Variants in CELSR1 observed in about 807,000 individuals in gnomAD.
CELSR1 encodes cadherin EGF LAG seven-pass G-type receptor 1.
A neutral mutation model predicts 249.1 loss-of-function variants in CELSR1; 110 were observed. The observed-to-expected ratio is 0.44, with a 90% CI of 0.38 to 0.52. The LOEUF (loss-of-function observed/expected upper bound fraction) is 0.52, where lower values mean the gene tolerates loss of function less well. CELSR1 is among the 20% of genes least tolerant of loss of function. CELSR1 has a pLI of 0.00. For synonymous variants in CELSR1, 2,113 were observed against 1,900.0 expected (o/e 1.11, Z -2.92); for missense variants, 4,109 against 4,296.4 (o/e 0.96, Z 1.22).
intron 25 of CELSR1, chr22:46,370,152 C>T (rs553969574): frequency 1.1e-5 from 5 of 469,286 alleles, no homozygotes; most frequent in South Asian, 7.7e-5. Context: ...AGGACCCTGC[C>T]AGCTGGGCCA....
rs1324826000 is a variant in CELSR1, at chr22:46,380,223, C to T, written c.7256+565G>A. On this transcript the variant is annotated intron_variant, in intron 22 of 34. Coordinates refer to ENST00000674500, the MANE Select transcript of CELSR1 (RefSeq NM_001378328.1). This position sits in a 1 kb window ranked among gnomAD's most constrained non-coding sequence, Gnocchi z 5.1. Reference sequence around the variant, plus strand: ...ATGCTAGAACACAGATTCTCGCGCACAGATTCTCCTGCGTTCGCCACTCTG... The same window carrying T: ...ATGCTAGAACACAGATTCTCGCGCATAGATTCTCCTGCGTTCGCCACTCTG... Among the ~76,000 whole-genome samples the T allele has an allele frequency of 6.6e-6, 1 of 152,228 alleles. No homozygotes were observed. Among genetic ancestry groups the T allele is most frequent in the Non-Finnish European group, 1.5e-5 (1 of 68,036 alleles).
In CELSR1 at chr22:46,391,168, C is replaced by A. The variant is rs200406273; in HGVS notation, c.6250+18G>T. 10 of 1,603,660 alleles carry A rather than the reference C, an allele frequency of 6.2e-6. No individual in the cohort carries two copies. Among genetic ancestry groups the A allele is most frequent in the South Asian group, 5.5e-5 (5 of 90,758 alleles). Reference sequence around the variant, plus strand: ...GACGCCTGCCTCAGTTCCCTACACACAGGCCACGGCGACTCACCAACGGAT... The same window carrying A: ...GACGCCTGCCTCAGTTCCCTACACAAAGGCCACGGCGACTCACCAACGGAT... On this transcript the variant is annotated intron_variant, in intron 16 of 34. Transcript: ENST00000674500. This position sits in a 1 kb window ranked among gnomAD's most constrained non-coding sequence, Gnocchi z 4.3.
In CELSR1 at chr22:46,390,955, G is replaced by A. The variant is rs914453880; in HGVS notation, c.6250+231C>T. Among the ~76,000 whole-genome samples, 8 of 152,202 alleles carry A rather than the reference G, an allele frequency of 5.3e-5. No individual in the cohort carries two copies. The highest frequency in any genetic ancestry group is 3.9e-4 in the Admixed American group (6 of 15,284). ...CTGAGCGGCAGAGCAGGGACTGGCC[G>A]GGCCTGACTGGCGGGCGTCCCCACA... is the stretch of plus-strand genomic sequence containing the variant. On this transcript the variant is annotated intron_variant, in intron 16 of 34. Transcript: ENST00000674500. The surrounding 1 kb of genome is among the most constrained non-coding windows in gnomAD (Gnocchi z 6.3).
At position 46,535,406 on chromosome 22, in the gene CELSR1, C is replaced by A; in HGVS notation, c.1765G>T (p.Ala589Ser). 1.2e-6 allele frequency: 2 copies of A among 1,609,202 alleles called. No homozygotes were observed. Among genetic ancestry groups the A allele is most frequent in the Non-Finnish European group, 1.7e-6 (2 of 1,177,986 alleles). ...PLGYPVVHIQ[A>S]VDADSGENAR... The stretch of plus-strand genomic sequence containing the variant: ...TTCTCTCCAGAGTCCGCGTCCACCG[C>A]CTGAATGTGCACCACGGGGTAGCCC... Residue 589 changes from alanine to serine, a missense_variant, in exon 1 of 35, where the codon GCG becomes TCG. Coordinates refer to ENST00000674500, the MANE Select transcript of CELSR1 (RefSeq NM_001378328.1).
rs1368175142 is a variant in CELSR1 at position 46,410,027 on chromosome 22, G to C, written c.4934-147C>G. On this transcript the variant is annotated intron_variant, in intron 7 of 34. Coordinates refer to ENST00000674500, the MANE Select transcript of CELSR1 (RefSeq NM_001378328.1). This position sits in a 1 kb window ranked among gnomAD's most constrained non-coding sequence, Gnocchi z 6.8. ...GTCTGAACGCCCCTGGCAACGGCAG[G>C]AACATGGGAACTAAGAAGGTGCTGA... 2.0e-6 allele frequency: 2 copies of C among 984,696 alleles called. No individual in the cohort carries two copies. The highest frequency in any genetic ancestry group is 3.0e-6 in the Non-Finnish European group (2 of 670,312). The allele number at this position is 984,696 out of a possible 1,614,324, so 61.0% of individuals were successfully genotyped here.
At position 46,506,837 on chromosome 22, in the gene CELSR1, G is replaced by A. The variant is rs531506431; in HGVS notation, c.3544+26790C>T. 2.0e-5 allele frequency among the ~76,000 whole-genome samples: 3 copies of A among 152,120 alleles called. No individual in the cohort carries two copies. The highest frequency in any genetic ancestry group is 6.5e-5 in the Admixed American group (1 of 15,272). On this transcript the variant is annotated intron_variant, in intron 1 of 34. Transcript: ENST00000674500. This position sits in a 1 kb window ranked among gnomAD's most constrained non-coding sequence, Gnocchi z 4.1. The stretch of plus-strand genomic sequence containing the variant: ...CCAAGCCCGGGGGTGTCTTCTCCAC[G>A]GTCTGTCACCCGCACCACCAGGACA...
At position 46,361,866 on chromosome 22, in the gene CELSR1, G is replaced by C. The variant is rs571531942; in HGVS notation, c.*1357C>G. 1 of 152,216 alleles carries C rather than the reference G, an allele frequency of 6.6e-6. No homozygotes were observed. Among genetic ancestry groups the C allele is most frequent in the Non-Finnish European group, 1.5e-5 (1 of 68,050 alleles). The allele number at this position is 152,216 out of a possible 1,614,324, so 9.4% of individuals were successfully genotyped here. ...AAAATCAAACATGTCTGACAGTTCC[G>C]GGACCCGTTCCACAGCCCCTCGGGC... On this transcript the variant is annotated 3_prime_UTR_variant, in exon 35 of 35. Coordinates refer to ENST00000674500, the MANE Select transcript of CELSR1 (RefSeq NM_001378328.1).
intron 1 of CELSR1, among the ~76,000 whole-genome samples, chr22:46,499,725 C>T (rs536658670): frequency 7.2e-5 from 11 of 152,278 alleles, no homozygotes; most frequent in East Asian, 1.9e-4. Context: ...GGCAGCTTCC[C>T]GCGTGCTCCT....
intron 5 of CELSR1, among the ~76,000 whole-genome samples, chr22:46,418,977 G>A (rs943783065): frequency 5.9e-5 from 9 of 152,222 alleles, no homozygotes; most frequent in African/African-American, 2.2e-4. Flanking sequence ...GTTCAGCACT[G>A]GACGGAGATA....
rs1257258776 is a variant in CELSR1 at position 46,517,144 on chromosome 22, T to C, written c.3544+16483A>G. Among the ~76,000 whole-genome samples the C allele has an allele frequency of 2.6e-5, 4 of 152,078 alleles. No homozygotes were observed. Among genetic ancestry groups the C allele is most frequent in the Non-Finnish European group, 4.4e-5 (3 of 67,986 alleles). On this transcript the variant is annotated intron_variant, in intron 1 of 34. Coordinates refer to ENST00000674500, the MANE Select transcript of CELSR1 (RefSeq NM_001378328.1). This position sits in a 1 kb window ranked among gnomAD's most constrained non-coding sequence, Gnocchi z 5.4. ...CTGAGGTATACAAACCACCTCCCCA[T>C]CCCCCACTGCCTCAGTTTTCCCAGC...
intron 1 of CELSR1, among the ~76,000 whole-genome samples, chr22:46,501,994 G>A (rs2080470662): frequency 6.6e-6 from 1 of 152,044 alleles, no homozygotes; most frequent in African/African-American, 2.4e-5. Context: ...GCTGGGCGTG[G>A]TGGTTCAGGC....
In CELSR1 at chr22:46,423,449, T is replaced by C. The variant is rs969088929; in HGVS notation, c.4611+9944A>G. Among the ~76,000 whole-genome samples the C allele has an allele frequency of 3.1e-4, 47 of 150,166 alleles. 1 individual carries two copies. Among genetic ancestry groups the C allele is most frequent in the Admixed American group, 3.1e-3 (46 of 15,048 alleles). On this transcript the variant is annotated intron_variant, in intron 5 of 34. Coordinates refer to ENST00000674500, the MANE Select transcript of CELSR1 (RefSeq NM_001378328.1). This position sits in a 1 kb window ranked among gnomAD's most constrained non-coding sequence, Gnocchi z 5.6. ...GGAGAAACCCCGTCTCTACTAAAAA[T>C]ACAAAATTAGCCGGGCGTGGTGGTG...
At chr22:46,529,088 A>AC (rs914913701) in intron 1 of CELSR1, among the ~76,000 whole-genome samples, 15 of 151,450 alleles carry the variant, frequency 9.9e-5, no homozygotes, top group African/African-American at 3.6e-4. Flanking sequence ...ACACGGTGAA[A>AC]CCCCGTCTCT....
rs551106181 is a variant in CELSR1, at chr22:46,441,285, C to T, written c.4184-1874G>A. On this transcript the variant is annotated intron_variant, in intron 2 of 34. Transcript: ENST00000674500. The surrounding 1 kb of genome is among the most constrained non-coding windows in gnomAD (Gnocchi z 6.1). ...CCTGGAGCCCAGACCTCGCTGGAGTCCCCAGAGTGGGATGGCTCCACGATG... is the reference window on the plus strand; with the variant it reads ...CCTGGAGCCCAGACCTCGCTGGAGTTCCCAGAGTGGGATGGCTCCACGATG... 2.6e-5 allele frequency among the ~76,000 whole-genome samples: 4 copies of T among 152,236 alleles called. No individual in the cohort carries two copies. The highest frequency in any genetic ancestry group is 2.0e-4 in the Admixed American group (3 of 15,286).
Position 46,386,389 on chromosome 22 carries a change from G to A in CELSR1, c.6739+13C>T, listed in dbSNP as rs370450930. Reference sequence around the variant, plus strand: ...GTAGCAGGGTTCCACCCCCAACGCAGCCAGCGCCTTACTCATGTTGGCGGT... The same window carrying A: ...GTAGCAGGGTTCCACCCCCAACGCAACCAGCGCCTTACTCATGTTGGCGGT... On this transcript the variant is annotated intron_variant, in intron 19 of 34. Coordinates refer to ENST00000674500, the MANE Select transcript of CELSR1 (RefSeq NM_001378328.1). 3.2e-6 allele frequency: 5 copies of A among 1,540,848 alleles called. No homozygotes were observed. The highest frequency in any genetic ancestry group is 3.8e-5 in the Admixed American group (2 of 52,366).
rs549437002 is a variant in CELSR1, at chr22:46,437,006, G to A, written c.4407-717C>T. On this transcript the variant is annotated intron_variant, in intron 3 of 34. Transcript: ENST00000674500. This position sits in a 1 kb window ranked among gnomAD's most constrained non-coding sequence, Gnocchi z 4.9. ...TGTATGATCCATAAGGGGAGGAACC[G>A]CAGCTCTCATTCCCTGCTGCATTCC... is the stretch of plus-strand genomic sequence containing the variant. Among the ~76,000 whole-genome samples the A allele has an allele frequency of 8.5e-5, 13 of 152,284 alleles. No homozygotes were observed. The highest frequency in any genetic ancestry group is 2.4e-4 in the African/African-American group (10 of 41,558).
chr22:46,367,702 C>A, intron 28 of CELSR1, 27 bp downstream of exon 28: 1 of 1,577,100 alleles, frequency 6.3e-7, no homozygotes, highest in African/African-American at 1.3e-5. Context: ...AGGCAGGGGT[C>A]CCGCGGGCAA....
intron 26 of CELSR1, among the ~76,000 whole-genome samples, 193 bp from the exon 27 acceptor site, chr22:46,369,451 G>A (rs1267542346): frequency 1.3e-5 from 2 of 152,238 alleles, no homozygotes; most frequent in Non-Finnish European, 2.9e-5. Flanking sequence ...GCCTGCCTGT[G>A]CGGGACCCTC....
In CELSR1 at chr22:46,386,550, T is replaced by G; in HGVS notation, c.6591A>C (p.Pro2197=). ...VIHSGSALLA[P]ATRAAWEQIQ... ...TCTGCTCCCACGCCGCCCTGGTGGCTGGGGCCAGGAGGGCGCTGCCCGAGT... is the reference window on the plus strand; with the variant it reads ...TCTGCTCCCACGCCGCCCTGGTGGCGGGGGCCAGGAGGGCGCTGCCCGAGT... Residue 2197 remains proline, a synonymous_variant, in exon 19 of 35, where the codon CCA becomes CCC. Transcript: ENST00000674500. 6.3e-7 allele frequency: 1 copy of G among 1,598,574 alleles called. No individual in the cohort carries two copies. Among genetic ancestry groups the G allele is most frequent in the Non-Finnish European group, 8.5e-7 (1 of 1,174,906 alleles).
Sources: gnomAD v4.1 joint callset for allele counts (sites outside exome capture counted in the v4.1 genomes callset) on GRCh38, gnomAD v4.1.1 for gene constraint, Gnocchi (gnomAD v3.1) non-coding constraint, MANE v1.5 for transcripts, NCBI Gene and HGNC (gene_info 2026-07-23, HGNC 2026-07-21) for gene names.